Variants in P2RY12 observed in about 807,000 individuals in gnomAD.
The protein encoded by P2RY12 is P2Y purinoceptor 12.
P2RY12 carries 3 observed loss-of-function variants against 4.5 expected under a neutral mutation model. The observed-to-expected ratio is 0.67, with a 90% CI of 0.31 to 1.74. P2RY12 has a LOEUF of 1.74. Among genes scored for constraint, P2RY12 ranks in the 40% most tolerant of loss-of-function variants. P2RY12 has a pLI of 0.09. For missense variants in P2RY12, 356 were observed against 407.8 expected, an observed-to-expected ratio of 0.87 and a Z score of 1.09; for synonymous variants, 148 against 154.1, an observed-to-expected ratio of 0.96 and a Z score of 0.29.
chr3:151,355,941 A>G (rs1199397231), intron 1 of P2RY12: 1 of 1,614,096 alleles, frequency 6.2e-7, no homozygotes. Flanking sequence ...TGCGTCAGGA[A>G]CATCCTATCA....
chr3:151,370,396 G>A (rs1756024195), intron 1 of P2RY12, among the ~76,000 whole-genome samples: 1 of 152,024 alleles, frequency 6.6e-6, no homozygotes, highest in Non-Finnish European at 1.5e-5. Flanking sequence ...ACATGTTTTG[G>A]GCTATAATCT....
intron 1 of P2RY12, among the ~76,000 whole-genome samples, chr3:151,362,527 C>T (rs1236394544): frequency 6.6e-6 from 1 of 152,094 alleles, no homozygotes; most frequent in Non-Finnish European, 1.5e-5. Context: ...CTGAGCACAC[C>T]ATTTTAAATA....
At chr3:151,342,747 T>A (rs1023682470) in intron 1 of P2RY12, among the ~76,000 whole-genome samples, 1 of 152,236 alleles carries the variant, frequency 6.6e-6, no homozygotes, top group Non-Finnish European at 1.5e-5. Context: ...TTGTTATTTT[T>A]AAATATGACT....
intron 1 of P2RY12, chr3:151,356,044 C>G: frequency 6.2e-7 from 1 of 1,603,544 alleles, no homozygotes; most frequent in Non-Finnish European, 8.5e-7. Context: ...ATACAGGTGT[C>G]AAAGAGACCA....
chr3:151,381,279 T>C (rs1372606949), intron 1 of P2RY12, among the ~76,000 whole-genome samples: 1 of 152,200 alleles, frequency 6.6e-6, no homozygotes, highest in East Asian at 1.9e-4. Context: ...TTTGATCCTC[T>C]TGTCATTTCT....
At chr3:151,380,551 C>T (rs1712087778) in intron 1 of P2RY12, among the ~76,000 whole-genome samples, 1 of 148,462 alleles carries the variant, frequency 6.7e-6, no homozygotes, top group Non-Finnish European at 1.5e-5. Context: ...GAGCTGAGAT[C>T]GCGCCATTGC....
At position 151,352,926 on chromosome 3, in the gene P2RY12, A is replaced by G. The variant is rs887097503; in HGVS notation, c.-179-12166T>C. ...TGTTATAAAAGCAAATTAACATAAG[A>G]AAGATGAGGAAAAATATATATTGAC... On this transcript the variant is annotated intron_variant, in intron 1 of 2. Transcript: ENST00000302632. Among the ~76,000 whole-genome samples, 4 of 152,222 alleles carry G rather than the reference A, an allele frequency of 2.6e-5. No individual in the cohort carries two copies. In the East Asian group the frequency reaches 7.7e-4, roughly 29 times the overall value.
rs35163871 is a variant in P2RY12, at chr3:151,374,547, CAAAG to C, written c.-180+10141_-180+10144del. Among the ~76,000 whole-genome samples, 652 of 150,968 alleles carry C rather than the reference CAAAG, an allele frequency of 4.3e-3. 7 individuals carry two copies. The highest frequency in any genetic ancestry group is 4.4e-3 in the Admixed American group (67 of 15,124). ...CTGGTAAGAGAGCAAGACTCTGTCT[CAAAG>C]AAAGAAAGAAAGAAAGAAAGAAATG... On this transcript the variant is annotated intron_variant, in intron 1 of 2. Coordinates refer to ENST00000302632, the MANE Select transcript of P2RY12 (RefSeq NM_022788.5).
chr3:151,380,558 T>C (rs1712091474), intron 1 of P2RY12, among the ~76,000 whole-genome samples: 1 of 149,052 alleles, frequency 6.7e-6, no homozygotes, highest in Non-Finnish European at 1.5e-5. Context: ...GATCGCGCCA[T>C]TGCACACCAG....
At chr3:151,357,624 A>G (rs1373267481) in intron 1 of P2RY12, among the ~76,000 whole-genome samples, 1 of 152,136 alleles carries the variant, frequency 6.6e-6, no homozygotes, top group Non-Finnish European at 1.5e-5. Flanking sequence ...GTTTCTAAGT[A>G]CAAAGCTAGT....
intron 1 of P2RY12, chr3:151,365,260 G>T: frequency 6.9e-7 from 1 of 1,451,798 alleles, no homozygotes; most frequent in Non-Finnish European, 9.7e-7. Context: ...TTGCCTTGGT[G>T]CTTCTTTGAA....
intron 1 of P2RY12, among the ~76,000 whole-genome samples, chr3:151,361,316 C>T (rs1215425935): frequency 2.0e-5 from 3 of 151,972 alleles, no homozygotes; most frequent in South Asian, 2.1e-4. Flanking sequence ...GACCAGTACC[C>T]TCACTGAATA....
At chr3:151,371,212 C>T (rs1756144314) in intron 1 of P2RY12, among the ~76,000 whole-genome samples, 1 of 152,156 alleles carries the variant, frequency 6.6e-6, no homozygotes, top group Non-Finnish European at 1.5e-5. Context: ...ATGCCCTAAC[C>T]AACTCTCAAT....
intron 1 of P2RY12, chr3:151,355,923 A>G (rs1358147699): frequency 6.2e-6 from 10 of 1,613,904 alleles, no homozygotes; most frequent in Non-Finnish European, 8.5e-6. Context: ...AGAACAAATC[A>G]CAAGCTTTGC....
chr3:151,374,384 C>G (rs1036352278), intron 1 of P2RY12, among the ~76,000 whole-genome samples: 1 of 152,034 alleles, frequency 6.6e-6, no homozygotes, highest in Non-Finnish European at 1.5e-5. Context: ...CCCATCTCTA[C>G]TAAAAATACA....
At chr3:151,380,604 A>G (rs200829535) in intron 1 of P2RY12, among the ~76,000 whole-genome samples, 9,070 of 151,776 alleles carry the variant, frequency 0.06, 419 homozygotes, top group Middle Eastern at 0.17. Flanking sequence ...TCTCAAAAAA[A>G]AAAAAAAAAA....
intron 1 of P2RY12, among the ~76,000 whole-genome samples, chr3:151,356,266 C>G (rs1445355552): frequency 6.6e-6 from 1 of 151,976 alleles, no homozygotes; most frequent in Admixed American, 6.6e-5. Flanking sequence ...TGGTTGCATG[C>G]CTGTAGTCCC....
chr3:151,357,895 A>G (rs1233629279), intron 1 of P2RY12, among the ~76,000 whole-genome samples: 1 of 152,306 alleles, frequency 6.6e-6, no homozygotes, highest in East Asian at 1.9e-4. Flanking sequence ...AATGAAGTTG[A>G]GCTACAGAAT....
intron 1 of P2RY12, among the ~76,000 whole-genome samples, chr3:151,348,107 T>C (rs1752752796): frequency 6.6e-6 from 1 of 152,204 alleles, no homozygotes; most frequent in South Asian, 2.1e-4. Context: ...CTTGTATTTT[T>C]TCAGGGCTCC....
Sources: gnomAD v4.1 joint callset for allele counts (sites outside exome capture counted in the v4.1 genomes callset) on GRCh38, gnomAD v4.1.1 for gene constraint, MANE v1.5 for transcripts, NCBI Gene and HGNC (gene_info 2026-07-23, HGNC 2026-07-21) for gene names.